The following RNF150 variants were observed in gnomAD, a reference collection of about 807,000 sequenced individuals.
RNF150 encodes the protein ring finger protein 150.
Under a neutral mutation model 39.3 loss-of-function variants are expected in RNF150, and 24 were observed. The observed-to-expected ratio is 0.61, with a 90% CI of 0.44 to 0.86. RNF150 has a LOEUF of 0.86. Among genes scored for constraint, RNF150 ranks in the 40% least tolerant of loss-of-function variants. The pLI is 0.00. For missense variants in RNF150, 502 were observed against 587.8 expected (o/e 0.85, Z 1.51); for synonymous variants, 255 against 227.3 (o/e 1.12, Z -1.10).
chr4:141,047,225 T>A (rs1363810746), intron 1 of RNF150, among the ~76,000 whole-genome samples: 1 of 152,172 alleles, frequency 6.6e-6, no homozygotes, highest in African/African-American at 2.4e-5. Flanking sequence ...AAAAACTAGC[T>A]TTACTTGCTA....
At chr4:140,991,947 T>C (rs1252395781) in intron 1 of RNF150, among the ~76,000 whole-genome samples, 10 of 152,100 alleles carry the variant, frequency 6.6e-5, no homozygotes, top group Admixed American at 6.6e-4. Context: ...TAATACAAAA[T>C]GTCTTCTGAA....
chr4:141,120,733 G>A (rs1726578420), intron 1 of RNF150, among the ~76,000 whole-genome samples: 1 of 152,192 alleles, frequency 6.6e-6, no homozygotes, highest in South Asian at 2.1e-4. Flanking sequence ...AAGTGGGGTA[G>A]GAAAGGGACT....
chr4:140,937,564 A>G (rs561801574), intron 4 of RNF150, among the ~76,000 whole-genome samples: 12 of 152,156 alleles, frequency 7.9e-5, no homozygotes, highest in Non-Finnish European at 1.5e-4. Flanking sequence ...TCCAGCCAAA[A>G]AATTTAAAAT....
chr4:140,917,614 A>C (rs578031502), intron 5 of RNF150, among the ~76,000 whole-genome samples: 1 of 152,338 alleles, frequency 6.6e-6, no homozygotes, highest in East Asian at 1.9e-4. Context: ...CTCCACTGTC[A>C]ACATTAGACA....
chr4:141,057,790 A>G (rs1026903535), intron 1 of RNF150, among the ~76,000 whole-genome samples: 1 of 151,912 alleles, frequency 6.6e-6, no homozygotes. Flanking sequence ...AGAGACCAAC[A>G]CCCTACTGTT....
chr4:140,974,725 T>C (rs1235003334), intron 1 of RNF150, among the ~76,000 whole-genome samples: 2 of 152,196 alleles, frequency 1.3e-5, no homozygotes, highest in Non-Finnish European at 2.9e-5. Context: ...CATTGTGTCT[T>C]TACAATATCT....
At chr4:140,897,580 T>C (rs1730010358) in intron 6 of RNF150, among the ~76,000 whole-genome samples, 1 of 152,176 alleles carries the variant, frequency 6.6e-6, no homozygotes, top group Non-Finnish European at 1.5e-5. Flanking sequence ...TGCCATTTAC[T>C]CCATGTGTGA....
At chr4:140,911,044 C>T in intron 6 of RNF150, 100 bp downstream of exon 6, 1 of 890,962 alleles carries the variant, frequency 1.1e-6, no homozygotes, top group Non-Finnish European at 1.8e-6. Flanking sequence ...ATGATGTACT[C>T]ATTCAATATT....
rs1444159272 is a variant in RNF150 at position 140,911,314 on chromosome 4, T to C, written c.1028A>G (p.Glu343Gly). The change falls in exon 6 of 7, where the codon GAG becomes GGG. Residue 343 changes from glutamate (E) to glycine (G), a missense_variant. Transcript: ENST00000515673. ...DCMDDLPTDF[E>G]GSLGGPPTNQ... ...GGTGGGTGGACCTCCCAGAGAGCCC[T>C]CGAAGTCAGTGGGCAAGTCGTCCAT... is the stretch of plus-strand genomic sequence containing the variant. 6.2e-6 allele frequency: 10 copies of C among 1,614,132 alleles called. No individual in the cohort carries two copies. The highest frequency in any genetic ancestry group is 8.5e-6 in the Non-Finnish European group (10 of 1,180,008).
chr4:140,879,454 G>GC (rs1318456550), intron 6 of RNF150, among the ~76,000 whole-genome samples: 1 of 152,164 alleles, frequency 6.6e-6, no homozygotes. Context: ...TGTTCATTAA[G>GC]TTTATTCCTA....
At chr4:140,971,952 A>G (rs1395279451) in intron 1 of RNF150, among the ~76,000 whole-genome samples, 3 of 151,808 alleles carry the variant, frequency 2.0e-5, no homozygotes, top group African/African-American at 7.3e-5. Flanking sequence ...TCCTTTTTCA[A>G]CCTCCTGTAT....
intron 1 of RNF150, among the ~76,000 whole-genome samples, chr4:141,140,331 A>G (rs973063412): frequency 6.6e-6 from 1 of 152,090 alleles, no homozygotes. Context: ...CTTTGATACA[A>G]TTTTGACATT....
At chr4:141,106,419 G>A (rs556974273) in intron 1 of RNF150, among the ~76,000 whole-genome samples, 10 of 152,312 alleles carry the variant, frequency 6.6e-5, no homozygotes, top group African/African-American at 2.4e-4. Context: ...GAAGATGTGA[G>A]TTTGAGTCCT....
At chr4:141,023,634 C>T (rs1735583090) in intron 1 of RNF150, among the ~76,000 whole-genome samples, 1 of 152,032 alleles carries the variant, frequency 6.6e-6, no homozygotes, top group East Asian at 1.9e-4. Flanking sequence ...ATTATTGAGA[C>T]AGTTTACATT....
At chr4:140,981,671 A>G (rs957609010) in intron 1 of RNF150, among the ~76,000 whole-genome samples, 16 of 152,198 alleles carry the variant, frequency 1.1e-4, no homozygotes, top group Admixed American at 7.9e-4. Flanking sequence ...CAGCTGTTAA[A>G]TAGCAGCAAC....
In RNF150 at chr4:140,926,329, A is replaced by G. The variant is rs138392600; in HGVS notation, c.891-256T>C. On this transcript the variant is annotated intron_variant, in intron 4 of 6. Coordinates refer to ENST00000515673, the MANE Select transcript of RNF150 (RefSeq NM_020724.2). Reference sequence around the variant, plus strand: ...AAGTTTCAGAAAATGTAGAAAATGCAGAAACTGAGAGATTTTTCTTTTTCT... The same window carrying G: ...AAGTTTCAGAAAATGTAGAAAATGCGGAAACTGAGAGATTTTTCTTTTTCT... Among the ~76,000 whole-genome samples the G allele has an allele frequency of 2.9e-3, 444 of 152,344 alleles. 6 individuals carry two copies. The highest frequency in any genetic ancestry group is 0.01 in the African/African-American group (428 of 41,584).
chr4:140,985,297 C>T (rs904107569), intron 1 of RNF150, among the ~76,000 whole-genome samples: 3 of 152,082 alleles, frequency 2.0e-5, no homozygotes, highest in African/African-American at 7.2e-5. Context: ...TCTTTAATAC[C>T]TTTTCACGCC....
At chr4:140,969,443 T>C (rs1733372913) in intron 1 of RNF150, among the ~76,000 whole-genome samples, 1 of 152,106 alleles carries the variant, frequency 6.6e-6, no homozygotes, top group South Asian at 2.1e-4. Flanking sequence ...TCTTTTCATT[T>C]TTACTTTGGT....
In RNF150 at chr4:140,947,635, AG is replaced by A. The variant is rs1486493580; in HGVS notation, c.890+18del. On this transcript the variant is annotated intron_variant, in intron 4 of 6. Coordinates refer to ENST00000515673, the MANE Select transcript of RNF150 (RefSeq NM_020724.2). Reference sequence around the variant, plus strand: ...CCACACACACAACCCAATCAAAAGCAGGCAGCCTAGTGACTCACCGGCAGGG... The same window carrying A: ...CCACACACACAACCCAATCAAAAGCAGCAGCCTAGTGACTCACCGGCAGGG... 7 of 1,597,598 alleles carry A rather than the reference AG, an allele frequency of 4.4e-6. No individual in the cohort carries two copies. In the African/African-American group the frequency reaches 9.4e-5, roughly 21 times the overall value.
Sources: gnomAD v4.1 joint callset for allele counts (sites outside exome capture counted in the v4.1 genomes callset) on GRCh38, gnomAD v4.1.1 for gene constraint, MANE v1.5 for transcripts, NCBI Gene and HGNC (gene_info 2026-07-23, HGNC 2026-07-21) for gene names.